The following NKD1 variants were observed in gnomAD, a reference collection of about 807,000 sequenced individuals.
The protein encoded by NKD1 is NKD inhibitor of Wnt signaling pathway 1, also known as protein naked cuticle homolog 1.
In NKD1, 21 loss-of-function variants were observed where a neutral mutation model predicts 56.0. The observed-to-expected ratio is 0.38, with a 90% CI of 0.27 to 0.54. NKD1 has a LOEUF of 0.54. NKD1 is among the 20% of genes least tolerant of loss of function. NKD1 has a pLI of 0.82. For missense variants in NKD1, 578 were observed against 642.7 expected (o/e 0.90, Z 1.09); for synonymous variants, 263 against 265.7 (o/e 0.99, Z 0.10).
intron 5 of NKD1, chr16:50,625,283 G>T: frequency 1.7e-6 from 1 of 596,260 alleles, no homozygotes; most frequent in Non-Finnish European, 3.0e-6. Context: ...TCCCTCCCCA[G>T]GCCAAACCTC....
intron 6 of NKD1, among the ~76,000 whole-genome samples, chr16:50,626,243 T>G (rs374018034): frequency 4.6e-5 from 7 of 152,202 alleles, no homozygotes; most frequent in African/African-American, 1.7e-4. Context: ...TATGCATCTG[T>G]TGGGTGCTAG....
chr16:50,598,094 ATT>A lies in NKD1; in HGVS notation c.193-10197_193-10196del, dbSNP rs1961512147. 6.6e-6 allele frequency among the ~76,000 whole-genome samples: 1 copy of A among 152,068 alleles called. No homozygotes were observed. On this transcript the variant is annotated intron_variant, in intron 3 of 9. Coordinates refer to ENST00000268459, the MANE Select transcript of NKD1 (RefSeq NM_033119.5). This position sits in a 1 kb window ranked among gnomAD's most constrained non-coding sequence, Gnocchi z 4.2. ...GGATGGTGACAAGTTTCTTAGAGCTATTTTGGGGACAAGGGGACAGAAGGGGC... is the reference window on the plus strand; with the variant it reads ...GGATGGTGACAAGTTTCTTAGAGCTATTGGGGACAAGGGGACAGAAGGGGC...
chr16:50,568,793 G>GC (rs575813134), intron 3 of NKD1, among the ~76,000 whole-genome samples: 17 of 151,986 alleles, frequency 1.1e-4, no homozygotes, highest in Non-Finnish European at 2.2e-4. Context: ...TTGAAATTCT[G>GC]CCCCCCCAGA....
Position 50,622,001 on chromosome 16 carries a change from C to T in NKD1, c.366+293C>T, listed in dbSNP as rs555604160. On this transcript the variant is annotated intron_variant, in intron 5 of 9. Coordinates refer to ENST00000268459, the MANE Select transcript of NKD1 (RefSeq NM_033119.5). ...TAGACGAGGGAGGCAGGACTCTGGC[C>T]CTTCTGTTGCTGTCACCTCTCTGGG... Among the ~76,000 whole-genome samples the T allele has an allele frequency of 2.0e-5, 3 of 152,340 alleles. No individual in the cohort carries two copies. In the East Asian group the frequency reaches 5.8e-4, roughly 29 times the overall value.
chr16:50,647,191 C>T lies in NKD1; in HGVS notation c.*13410C>T, dbSNP rs1371674411. 1.3e-5 allele frequency: 2 copies of T among 152,142 alleles called. No individual in the cohort carries two copies. The highest frequency in any genetic ancestry group is 1.3e-4 in the Admixed American group (2 of 15,280). The allele number at this position is 152,142 out of a possible 1,614,324, so 9.4% of individuals were successfully genotyped here. ...TCATCCTTTCTGTCCATAGGTGATT[C>T]GTCTAAGCCAGACATGGCAAAGTCC... On this transcript the variant is annotated 3_prime_UTR_variant, in exon 10 of 10. Coordinates refer to ENST00000268459, the MANE Select transcript of NKD1 (RefSeq NM_033119.5).
At chr16:50,600,562 T>G (rs1961572629) in intron 3 of NKD1, among the ~76,000 whole-genome samples, 1 of 152,142 alleles carries the variant, frequency 6.6e-6, no homozygotes, top group Non-Finnish European at 1.5e-5. Flanking sequence ...AGAGAGCCAA[T>G]TTAAAGAGAA....
intron 4 of NKD1, among the ~76,000 whole-genome samples, chr16:50,620,742 T>C (rs893989397): frequency 2.6e-5 from 4 of 152,138 alleles, no homozygotes; most frequent in Non-Finnish European, 5.9e-5. Context: ...GTAGTCGGGA[T>C]CCTAGGTCAA....
chr16:50,631,573 G>T (rs920068134), intron 8 of NKD1, among the ~76,000 whole-genome samples: 3 of 152,202 alleles, frequency 2.0e-5, no homozygotes, highest in Non-Finnish European at 4.4e-5. Context: ...CAGGTGTGGG[G>T]ACAGGGCTGA....
chr16:50,570,996 G>A (rs965977932), intron 3 of NKD1: 39 of 985,336 alleles, frequency 4.0e-5, no homozygotes, highest in Admixed American at 1.8e-4. Flanking sequence ...GGCTCATGGC[G>A]GACCCTCCTG....
intron 3 of NKD1, chr16:50,555,512 CAGGGCT>C (rs1345987345): frequency 6.5e-6 from 1 of 152,742 alleles, no homozygotes; most frequent in Non-Finnish European, 1.5e-5. Context: ...AGGTCAGCTG[CAGGGCT>C]GGAAGCTTAG....
At position 50,567,601 on chromosome 16, in the gene NKD1, C is replaced by T. The variant is rs976056634; in HGVS notation, c.192+18046C>T. On this transcript the variant is annotated intron_variant, in intron 3 of 9. Transcript: ENST00000268459. Reference sequence around the variant, plus strand: ...ACTTATTTTATAAGCTGTACCTCCTCCTTGGCCAAGGACAGGCCACAGGTG... The same window carrying T: ...ACTTATTTTATAAGCTGTACCTCCTTCTTGGCCAAGGACAGGCCACAGGTG... Among the ~76,000 whole-genome samples, 9 of 152,332 alleles carry T rather than the reference C, an allele frequency of 5.9e-5. No individual in the cohort carries two copies. In the East Asian group the frequency reaches 1.5e-3, roughly 26 times the overall value.
Position 50,644,187 on chromosome 16 carries a change from C to A in NKD1, c.*10406C>A, listed in dbSNP as rs1404127537. On this transcript the variant is annotated 3_prime_UTR_variant, in exon 10 of 10. Coordinates refer to ENST00000268459, the MANE Select transcript of NKD1 (RefSeq NM_033119.5). The stretch of plus-strand genomic sequence containing the variant: ...TGATAGACAAATTTTAGTGAATAGG[C>A]AATTTCGTAAATACAGAATCCACGG... The A allele has an allele frequency of 1.3e-5, 2 of 152,252 alleles. No homozygotes were observed. Among genetic ancestry groups the A allele is most frequent in the Admixed American group, 6.5e-5 (1 of 15,290 alleles). 9.4% of individuals were successfully genotyped at this position (152,252 alleles called of 1,614,324 possible). A position where few individuals can be genotyped will look rare whatever the true frequency, so the allele number is the denominator to read the frequency against.
At chr16:50,592,910 A>G (rs72796311) in intron 3 of NKD1, among the ~76,000 whole-genome samples, 8,242 of 152,186 alleles carry the variant, frequency 0.054, 286 homozygotes, top group Non-Finnish European at 0.082. Context: ...AGTCTCTCCC[A>G]ACCTGGGTAT....
rs189944329 is a variant in NKD1 at position 50,639,849 on chromosome 16, C to G, written c.*6068C>G. 4 of 152,400 alleles carry G rather than the reference C, an allele frequency of 2.6e-5. No homozygotes were observed. The highest frequency in any genetic ancestry group is 9.6e-5 in the African/African-American group (4 of 41,582). The allele number at this position is 152,400 out of a possible 1,614,324, so 9.4% of individuals were successfully genotyped here. A position where few individuals can be genotyped will look rare whatever the true frequency, so the allele number is the denominator to read the frequency against. Reference sequence around the variant, plus strand: ...CCCTCCTCTGGCTCAGGACTACGGTCTGAAATTAGGGAGATATGAATGTCT... The same window carrying G: ...CCCTCCTCTGGCTCAGGACTACGGTGTGAAATTAGGGAGATATGAATGTCT... On this transcript the variant is annotated 3_prime_UTR_variant, in exon 10 of 10. Coordinates refer to ENST00000268459, the MANE Select transcript of NKD1 (RefSeq NM_033119.5).
intron 4 of NKD1, among the ~76,000 whole-genome samples, chr16:50,613,167 G>T (rs1427545721): frequency 1.3e-5 from 2 of 152,108 alleles, no homozygotes; most frequent in Non-Finnish European, 2.9e-5. Flanking sequence ...CAAGCCTCCC[G>T]TTTTTGGACC....
chr16:50,573,268 G>A (rs1167277045), intron 3 of NKD1, among the ~76,000 whole-genome samples: 2 of 151,816 alleles, frequency 1.3e-5, no homozygotes, highest in South Asian at 4.1e-4. Context: ...TCCCTGTGGT[G>A]CCCCCCTGCA....
At position 50,641,766 on chromosome 16, in the gene NKD1, G is replaced by C. The variant is rs746470565; in HGVS notation, c.*7985G>C. On this transcript the variant is annotated 3_prime_UTR_variant, in exon 10 of 10. Coordinates refer to ENST00000268459, the MANE Select transcript of NKD1 (RefSeq NM_033119.5). Reference sequence around the variant, plus strand: ...AGACAGGAGGATGGCTAAGGGAGCAGCTTCAGGCATGGGAGGACTTTCATG... The same window carrying C: ...AGACAGGAGGATGGCTAAGGGAGCACCTTCAGGCATGGGAGGACTTTCATG... 1 of 152,388 alleles carries C rather than the reference G, an allele frequency of 6.6e-6. No individual in the cohort carries two copies. Among genetic ancestry groups the C allele is most frequent in the South Asian group, 2.1e-4 (1 of 4,838 alleles). 9.4% of individuals were successfully genotyped at this position (152,388 alleles called of 1,614,324 possible).
chr16:50,636,911 C>T lies in NKD1; in HGVS notation c.*3130C>T, dbSNP rs1567357615. 6.6e-6 allele frequency: 1 copy of T among 152,136 alleles called. No homozygotes were observed. The highest frequency in any genetic ancestry group is 1.9e-4 in the East Asian group (1 of 5,200). 9.4% of individuals were successfully genotyped at this position (152,136 alleles called of 1,614,324 possible). A position where few individuals can be genotyped will look rare whatever the true frequency, so the allele number is the denominator to read the frequency against. ...CAGTTACTGCTTAATCCTCTTCCCA[C>T]CCCACCCTTTTATTTTTACACAAGG... On this transcript the variant is annotated 3_prime_UTR_variant, in exon 10 of 10. Transcript: ENST00000268459.
chr16:50,633,761 C>T lies in NKD1; in HGVS notation c.1393C>T (p.His465Tyr). 6.6e-7 allele frequency: 1 copy of T among 1,507,720 alleles called. No homozygotes were observed. The highest frequency in any genetic ancestry group is 8.9e-7 in the Non-Finnish European group (1 of 1,120,254). The allele number at this position is 1,507,720 out of a possible 1,614,324, so 93.4% of individuals were successfully genotyped here. The part of the protein sequence containing the change: ...HHHHEHHHHY[H>Y]HFYQT ...CCACCATGAACATCACCACCATTAC[C>T]ACCACTTCTACCAGACATAGAGCCC... Residue 465 changes from histidine (H) to tyrosine (Y), a missense_variant, in exon 10 of 10, where the codon CAC becomes TAC. Physicochemically the swap from His to Tyr is moderately conservative, Grantham distance 83 (BLOSUM62 2). Coordinates refer to ENST00000268459, the MANE Select transcript of NKD1 (RefSeq NM_033119.5). The surrounding 1 kb of genome is among the most constrained non-coding windows in gnomAD (Gnocchi z 4.9).
Sources: allele counts gnomAD v4.1 joint callset (sites outside exome capture counted in the v4.1 genomes callset), GRCh38; gene constraint gnomAD v4.1.1; non-coding constraint Gnocchi (gnomAD v3.1); transcripts MANE v1.5; gene names NCBI Gene and HGNC (gene_info 2026-07-23, HGNC 2026-07-21).